Variants in TBCK observed in about 807,000 individuals in gnomAD.
The protein encoded by TBCK is TBC1 domain containing kinase.
In TBCK, 99 loss-of-function variants were observed where a neutral mutation model predicts 113.4. The observed-to-expected ratio is 0.87, with a 90% CI of 0.74 to 1.03. The LOEUF (loss-of-function observed/expected upper bound fraction) is 1.03. Among genes scored for constraint, TBCK ranks in the 50% least tolerant of loss-of-function variants. The pLI is 0.00. For synonymous variants in TBCK, 369 were observed against 370.8 expected (o/e 1.00, Z 0.05); for missense variants, 1,045 against 1,061.3 (o/e 0.98, Z 0.21).
At chr4:106,301,617 C>T (rs865958393) in intron 2 of TBCK, among the ~76,000 whole-genome samples, 17 of 152,178 alleles carry the variant, frequency 1.1e-4, no homozygotes, top group Admixed American at 7.9e-4. Flanking sequence ...TGATTAGTTT[C>T]GAATGATCTA....
At chr4:106,119,791 T>C (rs1446216358) in intron 23 of TBCK, among the ~76,000 whole-genome samples, 1 of 151,918 alleles carries the variant, frequency 6.6e-6, no homozygotes, top group African/African-American at 2.4e-5. Flanking sequence ...CCAGAATATA[T>C]AAGGAACTCA....
chr4:106,207,443 C>T (rs761144421), intron 20 of TBCK, among the ~76,000 whole-genome samples: 3 of 152,126 alleles, frequency 2.0e-5, no homozygotes, highest in Admixed American at 6.6e-5. Flanking sequence ...ATGAATCTAG[C>T]TTGTATTGTT....
At position 106,285,189 on chromosome 4, in the gene TBCK, TA is replaced by T. The variant is rs200375266; in HGVS notation, c.266+9904del. On this transcript the variant is annotated intron_variant, in intron 3 of 25. Coordinates refer to ENST00000394708, the MANE Select transcript of TBCK (RefSeq NM_001163435.3). ...AATGGACTGTAAAGAAAATGTTGAA[TA>T]TTTTTTTTCCTTTAAACCAGGTTAG... Among the ~76,000 whole-genome samples, 15 of 152,270 alleles carry T rather than the reference TA, an allele frequency of 9.9e-5. No individual in the cohort carries two copies. The East Asian group carries it at 1.2e-3, about 12-fold the overall frequency.
chr4:106,060,214 A>T (rs1040610075), intron 25 of TBCK, among the ~76,000 whole-genome samples: 1 of 151,842 alleles, frequency 6.6e-6, no homozygotes, highest in Non-Finnish European at 1.5e-5. Context: ...CAGATTTTCA[A>T]TGCAAATGAA....
intron 19 of TBCK, among the ~76,000 whole-genome samples, chr4:106,221,808 C>T (rs527336370): frequency 6.6e-6 from 1 of 152,004 alleles, no homozygotes; most frequent in Non-Finnish European, 1.5e-5. Context: ...GACTCCAGGA[C>T]CGCTTGAGGG....
chr4:106,150,212 C>T (rs1212814255), intron 23 of TBCK, among the ~76,000 whole-genome samples: 4 of 151,892 alleles, frequency 2.6e-5, no homozygotes, highest in South Asian at 2.1e-4. Context: ...AGTTAACTTG[C>T]GGCAAAAGGT....
chr4:106,227,959 C>T (rs62318079), intron 19 of TBCK, among the ~76,000 whole-genome samples: 9,125 of 151,826 alleles, frequency 0.06, 317 homozygotes, highest in Middle Eastern at 0.12. Context: ...CAGAAATTTA[C>T]ATATTATGTT....
chr4:106,116,518 T>A, intron 23 of TBCK, 140 bp from the exon 24 acceptor site: 1 of 763,312 alleles, frequency 1.3e-6, no homozygotes, highest in Non-Finnish European at 2.0e-6. Context: ...GTCTATTGTG[T>A]AATTCAGTGG....
intron 23 of TBCK, among the ~76,000 whole-genome samples, chr4:106,135,423 C>CTATAATTCAGATAGATGTATTT (rs1746440907): frequency 4.6e-4 from 46 of 100,860 alleles, no homozygotes; most frequent in Non-Finnish European, 5.0e-4. Context: ...CAGTCTGGCT[C>CTATAATTCAGATAGATGTATTT]TGGAGAATGT....
At chr4:106,054,486 T>C (rs1417916901) in intron 25 of TBCK, among the ~76,000 whole-genome samples, 3 of 151,726 alleles carry the variant, frequency 2.0e-5, no homozygotes, top group Non-Finnish European at 1.5e-5. Context: ...GCACTCTTTT[T>C]CCTCGTGTTA....
chr4:106,273,209 T>A (rs185973364), intron 3 of TBCK, among the ~76,000 whole-genome samples: 13 of 152,344 alleles, frequency 8.5e-5, no homozygotes, highest in African/African-American at 2.9e-4. Flanking sequence ...CAACTTAAGA[T>A]GAAGTTCCTC....
At chr4:106,298,696 C>G (rs116526695) in intron 2 of TBCK, among the ~76,000 whole-genome samples, 1 of 151,962 alleles carries the variant, frequency 6.6e-6, no homozygotes, top group African/African-American at 2.4e-5. Flanking sequence ...AGAAAAAAAA[C>G]CAGTTGTTAA....
intron 24 of TBCK, among the ~76,000 whole-genome samples, chr4:106,097,530 G>C (rs1741066775): frequency 6.6e-6 from 1 of 151,960 alleles, no homozygotes; most frequent in Non-Finnish European, 1.5e-5. Flanking sequence ...GAATGAGATT[G>C]GCCTAGTTAT....
At chr4:106,096,918 T>C (rs536754364) in intron 24 of TBCK, among the ~76,000 whole-genome samples, 1 of 152,314 alleles carries the variant, frequency 6.6e-6, no homozygotes, top group South Asian at 2.1e-4. Context: ...AAGAACTGTT[T>C]AATAGATACA....
At chr4:106,092,224 G>GCA (rs1192997292) in intron 25 of TBCK, among the ~76,000 whole-genome samples, 44 of 152,178 alleles carry the variant, frequency 2.9e-4, no homozygotes, top group Non-Finnish European at 6.0e-4. Context: ...TGACTGGTAT[G>GCA]TTTACAAACC....
At chr4:106,245,354 G>A (rs1382435132) in intron 10 of TBCK, among the ~76,000 whole-genome samples, 1 of 152,024 alleles carries the variant, frequency 6.6e-6, no homozygotes, top group African/African-American at 2.4e-5. Flanking sequence ...AGGATAAACC[G>A]GTTAGTCAGA....
upstream of TBCK, chr4:106,316,212 C>T (rs1196796248): frequency 4.2e-6 from 1 of 237,810 alleles, no homozygotes; most frequent in Non-Finnish European, 8.3e-6. Context: ...CACCCTCTAC[C>T]CTCCCCTCAG....
chr4:106,113,227 A>G (rs1743063173), intron 24 of TBCK, among the ~76,000 whole-genome samples: 1 of 152,188 alleles, frequency 6.6e-6, no homozygotes, highest in Non-Finnish European at 1.5e-5. Flanking sequence ...AATATCCAAC[A>G]TTCCACAGGC....
chr4:106,145,734 T>C (rs1284223507), intron 23 of TBCK, among the ~76,000 whole-genome samples: 2 of 152,146 alleles, frequency 1.3e-5, no homozygotes, highest in African/African-American at 4.8e-5. Flanking sequence ...AAGTTCCTTA[T>C]AGACATGAAC....
Sources: gnomAD v4.1 joint callset for allele counts (sites outside exome capture counted in the v4.1 genomes callset) on GRCh38, gnomAD v4.1.1 for gene constraint, MANE v1.5 for transcripts, NCBI Gene and HGNC (gene_info 2026-07-23, HGNC 2026-07-21) for gene names.